Variants in ABTB3 observed in about 807,000 individuals in gnomAD.
ABTB3 encodes the protein ankyrin repeat- and BTB/POZ domain-containing protein 3.
chr12:107,570,622 T>A, the ABTB3 span, among the ~76,000 whole-genome samples: 1 of 152,212 alleles, frequency 6.6e-6, no homozygotes, highest in South Asian at 2.1e-4. Flanking sequence ...TCCAGTGGGA[T>A]TGGATGTCAA....
At chr12:107,615,310 C>T in the ABTB3 span, 19 of 632,024 alleles carry the variant, frequency 3.0e-5, no homozygotes, top group Non-Finnish European at 4.4e-5. Context: ...CATGTGAATA[C>T]AAATATTATA....
chr12:107,328,913 G>A, the ABTB3 span, among the ~76,000 whole-genome samples: 10 of 152,146 alleles, frequency 6.6e-5, no homozygotes, highest in East Asian at 1.5e-3. Flanking sequence ...TTGTCCTTGC[G>A]CATAATATGT....
chr12:107,622,711 C>CT, the ABTB3 span, among the ~76,000 whole-genome samples: 1 of 152,190 alleles, frequency 6.6e-6, no homozygotes, highest in African/African-American at 2.4e-5. Context: ...TGACCTCAAG[C>CT]AATCCTCCCA....
chr12:107,596,014 T>TA, the ABTB3 span, among the ~76,000 whole-genome samples: 2 of 152,170 alleles, frequency 1.3e-5, no homozygotes, highest in Admixed American at 1.3e-4. Flanking sequence ...TCCTGGCACA[T>TA]AATAAATGCT....
At chr12:107,318,846 C>A in the ABTB3 span, 1 of 1,391,660 alleles carries the variant, frequency 7.2e-7, no homozygotes. Flanking sequence ...CAAGGCGGCG[C>A]GGACTCGGCT....
At chr12:107,403,075 A>G in the ABTB3 span, among the ~76,000 whole-genome samples, 1 of 152,130 alleles carries the variant, frequency 6.6e-6, no homozygotes, top group African/African-American at 2.4e-5. Context: ...CCTCGGACCC[A>G]AGTCATTCAT....
At chr12:107,496,315 C>T in the ABTB3 span, among the ~76,000 whole-genome samples, 1 of 152,212 alleles carries the variant, frequency 6.6e-6, no homozygotes, top group African/African-American at 2.4e-5. Context: ...ACCAGACCAG[C>T]TCCTTCTTCC....
At chr12:107,587,175 C>G in the ABTB3 span, among the ~76,000 whole-genome samples, 1 of 152,222 alleles carries the variant, frequency 6.6e-6, no homozygotes, top group Non-Finnish European at 1.5e-5. Flanking sequence ...GCCGAACTCA[C>G]CATGGAAGGT....
chr12:107,389,820 T>G, the ABTB3 span, among the ~76,000 whole-genome samples: 1 of 143,396 alleles, frequency 7.0e-6, no homozygotes, highest in African/African-American at 2.6e-5. Flanking sequence ...TGAGGTCAGG[T>G]GGGATGCTGG....
chr12:107,520,180 G>A, the ABTB3 span: 1 of 982,528 alleles, frequency 1.0e-6, no homozygotes, highest in African/African-American at 1.7e-5. Flanking sequence ...GTCACATCTA[G>A]GAGTGGATAG....
the ABTB3 span, among the ~76,000 whole-genome samples, chr12:107,594,263 C>T: frequency 1.5e-3 from 232 of 152,292 alleles, no homozygotes; most frequent in Non-Finnish European, 2.2e-3. Context: ...TGGGTGTTTG[C>T]GCCCTTGCTT....
the ABTB3 span, among the ~76,000 whole-genome samples, chr12:107,645,547 C>G: frequency 6.6e-6 from 1 of 152,136 alleles, no homozygotes; most frequent in African/African-American, 2.4e-5. Context: ...CTGGGCCCCC[C>G]GCTAAACTCA....
At chr12:107,336,723 A>G in the ABTB3 span, among the ~76,000 whole-genome samples, 1 of 152,074 alleles carries the variant, frequency 6.6e-6, no homozygotes, top group Non-Finnish European at 1.5e-5. Context: ...GGCACATAGT[A>G]GGCACTTCAA....
At chr12:107,657,570 T>G in the ABTB3 span, 10 of 1,614,056 alleles carry the variant, frequency 6.2e-6, no homozygotes, top group Non-Finnish European at 8.5e-6. Flanking sequence ...AACATGATGG[T>G]CCTCATTGAA....
At chr12:107,355,167 G>A in the ABTB3 span, among the ~76,000 whole-genome samples, 1 of 152,204 alleles carries the variant, frequency 6.6e-6, no homozygotes, top group African/African-American at 2.4e-5. Flanking sequence ...TCCCCAGGCC[G>A]CCAGCCTCAC....
chr12:107,622,493 CT>C, the ABTB3 span, among the ~76,000 whole-genome samples: 2 of 148,256 alleles, frequency 1.3e-5, no homozygotes, highest in African/African-American at 5.1e-5. Flanking sequence ...TTTTTTTTTT[CT>C]TTTTTAAAAC....
At chr12:107,473,606 G>A in the ABTB3 span, among the ~76,000 whole-genome samples, 1 of 151,914 alleles carries the variant, frequency 6.6e-6, no homozygotes, top group Non-Finnish European at 1.5e-5. Context: ...TGCCCACCTT[G>A]GCCTCCCAAA....
chr12:107,414,358 C>T, the ABTB3 span, among the ~76,000 whole-genome samples: 1 of 152,098 alleles, frequency 6.6e-6, no homozygotes, highest in Non-Finnish European at 1.5e-5. Context: ...TCCTGTCATT[C>T]CCCTACTTAA....
At chr12:107,480,058 G>T in the ABTB3 span, among the ~76,000 whole-genome samples, 1 of 152,198 alleles carries the variant, frequency 6.6e-6, no homozygotes, top group African/African-American at 2.4e-5. Context: ...TAGGGTTTGG[G>T]TTACAGACTA....
Sources: gnomAD v4.1 joint callset for allele counts (sites outside exome capture counted in the v4.1 genomes callset) on GRCh38, gnomAD v4.1.1 for gene constraint, MANE v1.5 for transcripts, NCBI Gene and HGNC (gene_info 2026-07-23, HGNC 2026-07-21) for gene names.